The following UNC5C variants were observed in gnomAD, a reference collection of about 807,000 sequenced individuals.
UNC5C encodes unc-5 netrin receptor C, also known as netrin receptor UNC5C.
A neutral mutation model predicts 99.8 loss-of-function variants in UNC5C; 47 were observed. The ratio of observed to expected loss-of-function variants is 0.47; its 90% confidence interval spans 0.37 to 0.60. The LOEUF (loss-of-function observed/expected upper bound fraction) is 0.60, where lower values mean the gene tolerates loss of function less well. Among genes scored for constraint, UNC5C ranks in the 20% least tolerant of loss-of-function variants. UNC5C has a pLI of 0.00. For synonymous variants in UNC5C, 487 were observed against 452.2 expected (o/e 1.08, Z -0.98); for missense variants, 1,062 against 1,165.9 (o/e 0.91, Z 1.30).
intron 1 of UNC5C, among the ~76,000 whole-genome samples, chr4:95,345,345 A>T (rs187372717): frequency 2.8e-4 from 43 of 152,104 alleles, no homozygotes; most frequent in African/African-American, 8.9e-4. Flanking sequence ...GGAGCACCCA[A>T]ATATAATATA....
chr4:95,396,159 G>C (rs1005874374), intron 1 of UNC5C, among the ~76,000 whole-genome samples: 1 of 152,176 alleles, frequency 6.6e-6, no homozygotes, highest in Non-Finnish European at 1.5e-5. Flanking sequence ...AGAAGCTACA[G>C]GGGAAGAGAG....
chr4:95,236,513 C>T (rs1161377633), intron 7 of UNC5C, among the ~76,000 whole-genome samples: 1 of 150,976 alleles, frequency 6.6e-6, no homozygotes, highest in Non-Finnish European at 1.5e-5. Context: ...AGCACACGAA[C>T]GTGGCACATG....
intron 1 of UNC5C, among the ~76,000 whole-genome samples, chr4:95,426,960 C>A (rs1746504013): frequency 1.3e-5 from 2 of 152,182 alleles, no homozygotes; most frequent in South Asian, 4.1e-4. Context: ...ATGAAGGTAG[C>A]AACACTAAAC....
At chr4:95,426,586 G>T (rs1184442837) in intron 1 of UNC5C, among the ~76,000 whole-genome samples, 2 of 152,200 alleles carry the variant, frequency 1.3e-5, no homozygotes, top group African/African-American at 2.4e-5. Context: ...TAACTGAGTT[G>T]TGAATGCAAA....
intron 1 of UNC5C, among the ~76,000 whole-genome samples, chr4:95,356,226 A>AAAAAAAAAAC (rs1371053400): frequency 1.3e-4 from 19 of 144,778 alleles, no homozygotes; most frequent in South Asian, 2.2e-4. Context: ...AACAAAAAAA[A>AAAAAAAAAAC]AACAGATTCC....
intron 1 of UNC5C, among the ~76,000 whole-genome samples, chr4:95,390,057 A>T (rs934138207): frequency 6.6e-6 from 1 of 152,130 alleles, no homozygotes; most frequent in Non-Finnish European, 1.5e-5. Flanking sequence ...CACTGAAATG[A>T]CATTATTTTT....
chr4:95,243,358 T>C (rs931178701), intron 6 of UNC5C, among the ~76,000 whole-genome samples: 1 of 152,146 alleles, frequency 6.6e-6, no homozygotes, highest in Non-Finnish European at 1.5e-5. Flanking sequence ...TGAACTTAGA[T>C]ATCTCTATTT....
In UNC5C at chr4:95,165,372, T is replaced by C. The variant is rs1735821803; in HGVS notation, c.*3862A>G. 1 of 152,212 alleles carries C rather than the reference T, an allele frequency of 6.6e-6. No homozygotes were observed. The highest frequency in any genetic ancestry group is 1.5e-5 in the Non-Finnish European group (1 of 68,040). 9.4% of individuals were successfully genotyped at this position (152,212 alleles called of 1,614,324 possible). ...ACACCTCACCCAAAAGTTGTCCAGTTCTTGAAGAGCCTAACTTGCTCACAG... is the reference window on the plus strand; with the variant it reads ...ACACCTCACCCAAAAGTTGTCCAGTCCTTGAAGAGCCTAACTTGCTCACAG... On this transcript the variant is annotated 3_prime_UTR_variant, in exon 16 of 16. Transcript: ENST00000453304.
intron 7 of UNC5C, among the ~76,000 whole-genome samples, chr4:95,241,195 G>A (rs1226780555): frequency 1.3e-5 from 2 of 152,150 alleles, no homozygotes; most frequent in East Asian, 1.9e-4. Context: ...TAGCAAAGCC[G>A]ATTTTCATTT....
intron 1 of UNC5C, among the ~76,000 whole-genome samples, chr4:95,448,162 A>T (rs1747161523): frequency 6.7e-6 from 1 of 148,478 alleles, no homozygotes; most frequent in Non-Finnish European, 1.5e-5. Context: ...TGATGTTAGC[A>T]TGTCACAAGT....
chr4:95,213,043 A>G (rs944756055), intron 10 of UNC5C, among the ~76,000 whole-genome samples: 1 of 152,204 alleles, frequency 6.6e-6, no homozygotes, highest in Non-Finnish European at 1.5e-5. Context: ...CACCGGATCA[A>G]TCTTTAAAAA....
At chr4:95,205,942 C>T (rs954502760) in intron 11 of UNC5C, among the ~76,000 whole-genome samples, 1 of 151,750 alleles carries the variant, frequency 6.6e-6, no homozygotes, top group Non-Finnish European at 1.5e-5. Context: ...AAGTGCCTAA[C>T]ATTTTCTGAT....
chr4:95,414,452 T>C (rs370284136), intron 1 of UNC5C, among the ~76,000 whole-genome samples: 193 of 152,330 alleles, frequency 1.3e-3, no homozygotes, highest in South Asian at 5.0e-3. Context: ...TCAGCAGTGA[T>C]TTAAATTCTG....
intron 12 of UNC5C, among the ~76,000 whole-genome samples, chr4:95,196,127 A>G (rs955206981): frequency 6.6e-6 from 1 of 152,200 alleles, no homozygotes; most frequent in Admixed American, 6.5e-5. Context: ...ATTTCCACAT[A>G]GACGTATGTT....
At chr4:95,183,155 T>C (rs963553136) in intron 13 of UNC5C, 94 bp from the exon 14 acceptor site, 1 of 1,269,624 alleles carries the variant, frequency 7.9e-7, no homozygotes. Flanking sequence ...GTATCACACC[T>C]GTGGCCTCAT....
At chr4:95,436,997 G>GAAAAAA (rs34226369) in intron 1 of UNC5C, among the ~76,000 whole-genome samples, 1 of 129,194 alleles carries the variant, frequency 7.7e-6, no homozygotes. Flanking sequence ...TTTCTTTCTT[G>GAAAAAA]AAAAAAAAAA....
At chr4:95,310,852 A>G (rs1022400714) in intron 2 of UNC5C, among the ~76,000 whole-genome samples, 2 of 152,180 alleles carry the variant, frequency 1.3e-5, no homozygotes, top group African/African-American at 4.8e-5. Flanking sequence ...ACAACTATAG[A>G]TCAACGCACG....
At chr4:95,358,660 T>A (rs1744290071) in intron 1 of UNC5C, among the ~76,000 whole-genome samples, 1 of 152,174 alleles carries the variant, frequency 6.6e-6, no homozygotes, top group African/African-American at 2.4e-5. Context: ...CTTCTGGCCT[T>A]TTCTCCCTCC....
At chr4:95,308,460 CATT>C (rs1441625870) in intron 2 of UNC5C, among the ~76,000 whole-genome samples, 1 of 151,700 alleles carries the variant, frequency 6.6e-6, no homozygotes, top group Non-Finnish European at 1.5e-5. Context: ...AGAAGAAAAA[CATT>C]AATGGAAGGC....
Sources: allele counts gnomAD v4.1 joint callset (sites outside exome capture counted in the v4.1 genomes callset), GRCh38; gene constraint gnomAD v4.1.1; transcripts MANE v1.5; gene names NCBI Gene and HGNC (gene_info 2026-07-23, HGNC 2026-07-21).